The following MICAL2 variants were observed in gnomAD, a reference collection of about 807,000 sequenced individuals.
MICAL2 encodes the protein microtubule associated monooxygenase, calponin and LIM domain containing 2, also known as [F-actin]-monooxygenase MICAL2.
In MICAL2, 77 loss-of-function variants were observed where a neutral mutation model predicts 127.3. That is an observed-to-expected ratio of 0.60 (90% CI 0.50 to 0.73). The LOEUF is 0.73. MICAL2 is among the 30% of genes least tolerant of loss of function. MICAL2 has a pLI of 0.00. For synonymous variants in MICAL2, 570 were observed against 551.1 expected (o/e 1.03, Z -0.48); for missense variants, 1,351 against 1,434.4 (o/e 0.94, Z 0.94).
chr11:12,200,088 G>T (rs1860493119), intron 3 of MICAL2, among the ~76,000 whole-genome samples: 1 of 152,120 alleles, frequency 6.6e-6, no homozygotes, highest in African/African-American at 2.4e-5. Context: ...GTCTATTGAG[G>T]CCTCCTAAGT....
At chr11:12,269,475 C>T (rs780502063) in intron 24 of MICAL2, among the ~76,000 whole-genome samples, 7 of 152,340 alleles carry the variant, frequency 4.6e-5, no homozygotes, top group African/African-American at 1.2e-4. Context: ...CTGGAGCCTG[C>T]AGAGCTGTTG....
downstream of MICAL2, among the ~76,000 whole-genome samples, chr11:12,267,249 C>T (rs1183313952): frequency 6.6e-6 from 1 of 152,284 alleles, no homozygotes; most frequent in East Asian, 1.9e-4. Context: ...CCCAGCTGCC[C>T]GCTTGCTCCA....
chr11:12,165,027 T>C (rs1855310474), intron 3 of MICAL2, among the ~76,000 whole-genome samples: 1 of 151,014 alleles, frequency 6.6e-6, no homozygotes, highest in Admixed American at 6.6e-5. Flanking sequence ...TAGTCCCAGC[T>C]ACTCAGGAGG....
chr11:12,155,630 A>G (rs1488692322), intron 2 of MICAL2, among the ~76,000 whole-genome samples: 1 of 152,260 alleles, frequency 6.6e-6, no homozygotes, highest in Non-Finnish European at 1.5e-5. Flanking sequence ...CAGAAAAGGA[A>G]GATAGGCAAC....
intron 34 of MICAL2, among the ~76,000 whole-genome samples, chr11:12,356,835 C>G (rs1939135906): frequency 6.6e-6 from 1 of 152,232 alleles, no homozygotes; most frequent in Non-Finnish European, 1.5e-5. Flanking sequence ...GGGCCACACT[C>G]AGACCCTTCT....
At chr11:12,329,878 A>AAG (rs1555022488) in intron 32 of MICAL2, among the ~76,000 whole-genome samples, 20 of 120,580 alleles carry the variant, frequency 1.7e-4, no homozygotes, top group African/African-American at 4.7e-4. Flanking sequence ...AAAAAAAAAA[A>AAG]AAAAAGAAAA....
intron 32 of MICAL2, among the ~76,000 whole-genome samples, chr11:12,346,968 C>A (rs1382364802): frequency 6.6e-6 from 1 of 152,152 alleles, no homozygotes; most frequent in African/African-American, 2.4e-5. Context: ...CCTTTAATGT[C>A]CCTTTGTGTT....
chr11:12,316,799 G>T (rs1309210169), intron 29 of MICAL2, among the ~76,000 whole-genome samples: 1 of 152,176 alleles, frequency 6.6e-6, no homozygotes, highest in African/African-American at 2.4e-5. Flanking sequence ...TATTTGGCAG[G>T]CAGAAGTAGG....
At chr11:12,257,099 A>G in intron 24 of MICAL2, 128 bp downstream of exon 24, 2 of 1,037,316 alleles carry the variant, frequency 1.9e-6, no homozygotes, top group Non-Finnish European at 2.7e-6. Context: ...TGATGTCATC[A>G]GGAAAGCTGC....
chr11:12,182,203 T>TC (rs1236786335), intron 3 of MICAL2, among the ~76,000 whole-genome samples: 2 of 152,216 alleles, frequency 1.3e-5, no homozygotes, highest in Non-Finnish European at 2.9e-5. Context: ...TGAGAAGGTG[T>TC]CCATAGGTTT....
chr11:12,117,682 G>T (rs1406696475), intron 1 of MICAL2, among the ~76,000 whole-genome samples: 1 of 152,184 alleles, frequency 6.6e-6, no homozygotes, highest in Non-Finnish European at 1.5e-5. Context: ...CATCCAAAAG[G>T]AGCAGAATGG....
At chr11:12,352,759 C>T (rs1939072406) in intron 33 of MICAL2, among the ~76,000 whole-genome samples, 2 of 152,180 alleles carry the variant, frequency 1.3e-5, no homozygotes, top group African/African-American at 4.8e-5. Context: ...GAGAAGTCTT[C>T]AGACTCCACT....
intron 6 of MICAL2, among the ~76,000 whole-genome samples, chr11:12,210,904 C>T (rs1213699643): frequency 2.0e-5 from 3 of 152,220 alleles, no homozygotes; most frequent in Non-Finnish European, 4.4e-5. Flanking sequence ...GCCTCTGGCC[C>T]CCCAGACACT....
chr11:12,344,851 G>A (rs1162845925), intron 32 of MICAL2, among the ~76,000 whole-genome samples: 1 of 151,142 alleles, frequency 6.6e-6, no homozygotes, highest in Non-Finnish European at 1.5e-5. Context: ...GCTCACGCCT[G>A]TAATCCCAGC....
chr11:12,174,847 A>G (rs1167885048), intron 3 of MICAL2, among the ~76,000 whole-genome samples: 1 of 152,210 alleles, frequency 6.6e-6, no homozygotes, highest in African/African-American at 2.4e-5. Flanking sequence ...TCAGCCAGGC[A>G]TGGTGGCTCA....
chr11:12,167,173 A>G lies in MICAL2; in HGVS notation c.264+4754A>G, dbSNP rs1855607135. Reference sequence around the variant, plus strand: ...TCAGTAATCACAGGTACCATTACAGACCAGGGGGTATTTGTACATTGTTGC... The same window carrying G: ...TCAGTAATCACAGGTACCATTACAGGCCAGGGGGTATTTGTACATTGTTGC... On this transcript the variant is annotated intron_variant, in intron 3 of 27. Coordinates refer to ENST00000683283, the MANE Select transcript of MICAL2 (RefSeq NM_001282663.2). Among the ~76,000 whole-genome samples, 4 of 152,248 alleles carry G rather than the reference A, an allele frequency of 2.6e-5. No individual in the cohort carries two copies. In the South Asian group the frequency reaches 8.3e-4, roughly 32 times the overall value.
At position 12,244,042 on chromosome 11, in the gene MICAL2, G is replaced by A. The variant is rs957419368; in HGVS notation, c.2714G>A (p.Arg905His). The A allele has an allele frequency of 1.5e-5, 24 of 1,613,716 alleles. 1 individual carries two copies. The African/African-American group carries it at 1.7e-4, about 12-fold the overall frequency. The change falls in exon 21 of 28, where the codon CGC becomes CAC. Residue 905 changes from arginine (R) to histidine (H), a missense_variant. By Grantham distance (29) the Arg-to-His change is conservative. Coordinates refer to ENST00000683283, the MANE Select transcript of MICAL2 (RefSeq NM_001282663.2). ...SHTHPPSPPS[R>H]LPSPDPAASS... ...ACTCATCCTCCATCTCCTCCCTCTCGCCTTCCGTCTCCTGATCCAGCTGCT... is the reference window on the plus strand; with the variant it reads ...ACTCATCCTCCATCTCCTCCCTCTCACCTTCCGTCTCCTGATCCAGCTGCT...
At chr11:12,251,816 T>C (rs1861602477) in intron 22 of MICAL2, among the ~76,000 whole-genome samples, 2 of 152,106 alleles carry the variant, frequency 1.3e-5, no homozygotes, top group Admixed American at 1.3e-4. Flanking sequence ...CTCTGCATGC[T>C]TCAGTAATGC....
chr11:12,287,455 T>G, downstream of MICAL2: 1 of 266,648 alleles, frequency 3.8e-6, no homozygotes, highest in Non-Finnish European at 7.0e-6. Context: ...TAGCCATCAT[T>G]GCCTCTAAGC....
Sources: gnomAD v4.1 joint callset for allele counts (sites outside exome capture counted in the v4.1 genomes callset) on GRCh38, gnomAD v4.1.1 for gene constraint, MANE v1.5 for transcripts, NCBI Gene and HGNC (gene_info 2026-07-23, HGNC 2026-07-21) for gene names.